PATJ: variants seen among roughly 807,000 people sequenced by gnomAD.
PATJ encodes the protein PATJ crumbs cell polarity complex component.
A neutral mutation model predicts 224.9 loss-of-function variants in PATJ; 190 were observed. That is an observed-to-expected ratio of 0.84 (90% CI 0.75 to 0.95). The LOEUF is 0.95. PATJ is among the 40% of genes least tolerant of loss of function. PATJ has a pLI of 0.00. For missense variants in PATJ, 2,121 were observed against 2,270.3 expected, an observed-to-expected ratio of 0.93 and a Z score of 1.34; for synonymous variants, 769 against 820.3, an observed-to-expected ratio of 0.94 and a Z score of 1.07.
At chr1:62,137,491 T>C (rs34060519) in intron 41 of PATJ, among the ~76,000 whole-genome samples, 28 of 8,122 alleles carry the variant, frequency 3.4e-3, no homozygotes, top group Non-Finnish European at 3.9e-3. Context: ...GAAATGCCTC[T>C]GGAGGGGGGA....
chr1:62,148,225 G>C, intron 41 of PATJ, 59 bp from the exon 42 acceptor site: 2 of 1,148,510 alleles, frequency 1.7e-6, no homozygotes, highest in Non-Finnish European at 2.6e-6. Context: ...GATACAGCAT[G>C]GTTTCTCTAA....
chr1:61,860,354 C>A (rs1664346237), intron 18 of PATJ, among the ~76,000 whole-genome samples: 1 of 152,134 alleles, frequency 6.6e-6, no homozygotes, highest in Non-Finnish European at 1.5e-5. Flanking sequence ...AGGCACCACG[C>A]CCTGGCTGAA....
chr1:62,008,722 C>T (rs1208649467), intron 28 of PATJ, among the ~76,000 whole-genome samples: 1 of 152,082 alleles, frequency 6.6e-6, no homozygotes, highest in Non-Finnish European at 1.5e-5. Flanking sequence ...GCACTCCAGC[C>T]TGGGCGACAG....
chr1:61,927,705 C>A, intron 26 of PATJ, 25 bp from the exon 27 acceptor site: 1 of 1,429,392 alleles, frequency 7.0e-7, no homozygotes, highest in African/African-American at 1.4e-5. Flanking sequence ...GCATTTAACC[C>A]TTCTCTCAAA....
rs914437785 is a variant in PATJ at position 62,092,745 on chromosome 1, T to A, written c.4377+8097T>A. ...AACGACTTTTATTTATTTATTTATT[T>A]ATTTTTTTATTTTTTGAGCCAAGTC... On this transcript the variant is annotated intron_variant, in intron 33 of 43. Coordinates refer to ENST00000642238, the MANE Select transcript of PATJ (RefSeq NM_001350145.3). Among the ~76,000 whole-genome samples the A allele has an allele frequency of 1.3e-4, 19 of 151,156 alleles. 1 individual carries two copies. Among genetic ancestry groups the A allele is most frequent in the Admixed American group, 6.6e-4 (10 of 15,230 alleles).
intron 10 of PATJ, among the ~76,000 whole-genome samples, chr1:61,796,698 C>CT (rs1214960695): frequency 1.8e-5 from 1 of 56,110 alleles, no homozygotes; most frequent in Non-Finnish European, 3.7e-5. Flanking sequence ...TTCTTTCTTT[C>CT]TTTCTTTCTT....
At chr1:61,767,678 C>CTTTTTT (rs1163770714) in intron 4 of PATJ, among the ~76,000 whole-genome samples, 18 of 134,972 alleles carry the variant, frequency 1.3e-4, no homozygotes, top group South Asian at 2.5e-4. Context: ...CTTTTCTTTT[C>CTTTTTT]TTTTTTTTTT....
chr1:61,899,846 T>C (rs1323076333), intron 23 of PATJ, among the ~76,000 whole-genome samples, 192 bp downstream of exon 23: 2 of 152,234 alleles, frequency 1.3e-5, no homozygotes, highest in Non-Finnish European at 2.9e-5. Context: ...TGACTGTAAC[T>C]AATATTAGGA....
In PATJ at chr1:61,861,569, A is replaced by G. The variant is rs757983738; in HGVS notation, c.2341A>G (p.Ser781Gly). 9 of 1,400,940 alleles carry G rather than the reference A, an allele frequency of 6.4e-6. No homozygotes were observed. The highest frequency in any genetic ancestry group is 8.8e-6 in the Non-Finnish European group (9 of 1,027,940). The allele number at this position is 1,400,940 out of a possible 1,614,324, so 86.8% of individuals were successfully genotyped here. The change falls in exon 19 of 44, where the codon AGT (serine) becomes GGT (glycine). Residue 781 changes from serine to glycine, a missense_variant. By Grantham distance (56) the Ser-to-Gly change is moderately conservative. Coordinates refer to ENST00000642238, the MANE Select transcript of PATJ (RefSeq NM_001350145.3). Reference sequence around the variant, plus strand: ...TTTTCAGGAAGATAATGAAGAAGAAAGTTGTTATATTTTACATTCAAGCAG... The same window carrying G: ...TTTTCAGGAAGATAATGAAGAAGAAGGTTGTTATATTTTACATTCAAGCAG... ...KPLVEDNEEE[S>G]CYILHSSSNE...
At chr1:62,027,183 G>A (rs1648128007) in intron 29 of PATJ, among the ~76,000 whole-genome samples, 1 of 152,168 alleles carries the variant, frequency 6.6e-6, no homozygotes, top group East Asian at 1.9e-4. Flanking sequence ...CTCTGAATTT[G>A]ACTGCCGTAG....
At chr1:62,000,194 T>C (rs559057688) in intron 28 of PATJ, among the ~76,000 whole-genome samples, 4 of 80,014 alleles carry the variant, frequency 5.0e-5, no homozygotes, top group Non-Finnish European at 1.0e-4. Context: ...CAGCCTAGAG[T>C]TTTTTGTTTT....
Position 62,144,773 on chromosome 1 carries a change from A to AT in PATJ, c.5272-3511_5272-3510insT, listed in dbSNP as rs1017771263. Among the ~76,000 whole-genome samples, 9 of 86,902 alleles carry AT rather than the reference A, an allele frequency of 1.0e-4. No homozygotes were observed. In the South Asian group the frequency reaches 1.3e-3, roughly 13 times the overall value. The allele number at this position is 86,902 out of a possible 152,430, so 57.0% of individuals were successfully genotyped here. ...GCTCTAGAATGTTATTTGCAAAAAA[A>AT]AAAAATATATATATATATATATAAT... On this transcript the variant is annotated intron_variant, in intron 41 of 43. Coordinates refer to ENST00000642238, the MANE Select transcript of PATJ (RefSeq NM_001350145.3).
At chr1:62,131,603 A>G (rs949900102) in intron 41 of PATJ, among the ~76,000 whole-genome samples, 1 of 151,620 alleles carries the variant, frequency 6.6e-6, no homozygotes, top group Non-Finnish European at 1.5e-5. Context: ...AGCCAAGATC[A>G]CCCCATTGCA....
intron 18 of PATJ, among the ~76,000 whole-genome samples, chr1:61,860,941 T>C (rs1426108691): frequency 1.3e-5 from 2 of 151,920 alleles, no homozygotes; most frequent in Non-Finnish European, 2.9e-5. Context: ...GTTTGGCAAA[T>C]TACTGTGTCC....
intron 21 of PATJ, among the ~76,000 whole-genome samples, 193 bp from the exon 22 acceptor site, chr1:61,884,044 C>T (rs1009710400): frequency 2.0e-5 from 3 of 151,906 alleles, no homozygotes; most frequent in Non-Finnish European, 2.9e-5. Context: ...TCCTATATTC[C>T]TTCCTTCTTT....
intron 31 of PATJ, among the ~76,000 whole-genome samples, chr1:62,060,091 T>G (rs1472895032): frequency 2.0e-5 from 3 of 152,308 alleles, no homozygotes; most frequent in Non-Finnish European, 4.4e-5. Context: ...TATGATCTCA[T>G]TTATCCTGAT....
intron 33 of PATJ, among the ~76,000 whole-genome samples, chr1:62,105,056 T>G (rs1290591770): frequency 6.6e-6 from 1 of 152,152 alleles, no homozygotes; most frequent in African/African-American, 2.4e-5. Flanking sequence ...AATGGAGAAT[T>G]TTAAATACAG....
intron 26 of PATJ, among the ~76,000 whole-genome samples, chr1:61,926,829 G>A (rs1231327352): frequency 1.3e-5 from 2 of 152,112 alleles, no homozygotes; most frequent in East Asian, 1.9e-4. Context: ...ACCACTCATT[G>A]GCCACTTACT....
intron 33 of PATJ, among the ~76,000 whole-genome samples, chr1:62,101,383 C>T: frequency 6.6e-6 from 1 of 150,836 alleles, no homozygotes; most frequent in Admixed American, 6.6e-5. Flanking sequence ...CCTGCCTCAG[C>T]CTCTGAGTAG....
Sources: allele counts gnomAD v4.1 joint callset (sites outside exome capture counted in the v4.1 genomes callset), GRCh38; gene constraint gnomAD v4.1.1; transcripts MANE v1.5; gene names NCBI Gene and HGNC (gene_info 2026-07-23, HGNC 2026-07-21).